NSD2: variants seen among roughly 807,000 people sequenced by gnomAD.
NSD2 encodes the protein histone-lysine N-methyltransferase NSD2.
In NSD2, 12 loss-of-function variants were observed where a neutral mutation model predicts 139.0. The ratio of observed to expected loss-of-function variants is 0.09; its 90% CI spans 0.06 to 0.14. The LOEUF is 0.14. Among genes scored for constraint, NSD2 ranks in the 10% least tolerant of loss-of-function variants. NSD2 has a pLI of 1.00. For synonymous variants in NSD2, 669 were observed against 648.7 expected, an observed-to-expected ratio of 1.03 and a Z score of -0.48; for missense variants, 1,155 against 1,745.0, an observed-to-expected ratio of 0.66 and a Z score of 6.02.
At position 1,959,751 on chromosome 4, in the gene NSD2, T is replaced by G; in HGVS notation, c.3255+11T>G. ...AGGGACATCAGAAAGGTATGTGTCG[T>G]TATCCCCTCCCCTGCTTTTGAGAAA... On this transcript the variant is annotated intron_variant, in intron 17 of 21. Transcript: ENST00000508803. The G allele has an allele frequency of 6.2e-7, 1 of 1,608,686 alleles. No homozygotes were observed. Among genetic ancestry groups the G allele is most frequent in the Non-Finnish European group, 8.5e-7 (1 of 1,175,336 alleles).
chr4:1,979,063 C>G lies in NSD2; in HGVS notation c.*154C>G. ...CTCGGGAGGGAGCGCCTCCCCACCA[C>G]TGAGCCATCCTCAGCAGCGTCCGCT... On this transcript the variant is annotated 3_prime_UTR_variant, in exon 22 of 22. Coordinates refer to ENST00000508803, the MANE Select transcript of NSD2 (RefSeq NM_001042424.3). 1.1e-6 allele frequency: 1 copy of G among 942,414 alleles called. No homozygotes were observed. Among genetic ancestry groups the G allele is most frequent in the Non-Finnish European group, 1.5e-6 (1 of 669,848 alleles). 58.4% of individuals were successfully genotyped at this position (942,414 alleles called of 1,614,324 possible). A position where few individuals can be genotyped will look rare whatever the true frequency, so the allele number is the denominator to read the frequency against.
At chr4:1,872,629 A>AGAGAGAGCGAGAGC (rs1553856462) in intron 1 of NSD2, among the ~76,000 whole-genome samples, 7 of 142,694 alleles carry the variant, frequency 4.9e-5, no homozygotes, top group African/African-American at 1.8e-4. Flanking sequence ...AGAGAGAGAG[A>AGAGAGAGCGAGAGC]GAGAGAGCGC....
intron 18 of NSD2, among the ~76,000 whole-genome samples, chr4:1,969,063 A>G (rs1251518376): frequency 1.3e-5 from 2 of 152,254 alleles, no homozygotes; most frequent in Non-Finnish European, 2.9e-5. Flanking sequence ...TCACCCGGAC[A>G]CAGGGGGTGC....
Position 1,980,307 on chromosome 4 carries a change from G to C in NSD2, c.*1398G>C. 4.3e-6 allele frequency: 1 copy of C among 233,218 alleles called. No individual in the cohort carries two copies. Among genetic ancestry groups the C allele is most frequent in the East Asian group, 6.0e-5 (1 of 16,584 alleles). The allele number at this position is 233,218 out of a possible 1,614,324, so 14.4% of individuals were successfully genotyped here. A position where few individuals can be genotyped will look rare whatever the true frequency, so the allele number is the denominator to read the frequency against. On this transcript the variant is annotated 3_prime_UTR_variant, in exon 22 of 22. Coordinates refer to ENST00000508803, the MANE Select transcript of NSD2 (RefSeq NM_001042424.3). Reference sequence around the variant, plus strand: ...GGGATCCTTGACCCTGGGAAGTCTGGAGCACCCTGAGAAGGGGGCACCATG... The same window carrying C: ...GGGATCCTTGACCCTGGGAAGTCTGCAGCACCCTGAGAAGGGGGCACCATG...
intron 2 of NSD2, among the ~76,000 whole-genome samples, chr4:1,902,148 G>A (rs1407631336): frequency 1.3e-5 from 2 of 151,916 alleles, no homozygotes; most frequent in Non-Finnish European, 2.9e-5. Context: ...AGCTTTGAGG[G>A]TTAAAAAAAC....
intron 10 of NSD2, among the ~76,000 whole-genome samples, chr4:1,951,492 A>G (rs1724249720): frequency 6.9e-6 from 1 of 144,726 alleles, no homozygotes; most frequent in Admixed American, 7.0e-5. Flanking sequence ...ACACACACAC[A>G]CACACACACA....
chr4:1,938,858 T>C (rs1228177701), intron 8 of NSD2, among the ~76,000 whole-genome samples: 1 of 152,262 alleles, frequency 6.6e-6, no homozygotes. Context: ...TACTTGATGG[T>C]GCCAGTTGCT....
chr4:1,941,001 G>C, intron 9 of NSD2: 1 of 1,058,348 alleles, frequency 9.4e-7, no homozygotes, highest in East Asian at 5.2e-5. Context: ...CTGCTTTACA[G>C]TTTGATACGT....
rs1726585926 is a variant in NSD2 at position 1,972,373 on chromosome 4, A to G, written c.3373-2490A>G. 6.6e-6 allele frequency among the ~76,000 whole-genome samples: 1 copy of G among 152,248 alleles called. No individual in the cohort carries two copies. Among genetic ancestry groups the G allele is most frequent in the Admixed American group, 6.5e-5 (1 of 15,286 alleles). The stretch of plus-strand genomic sequence containing the variant: ...CAAGCTCGTTGTAGGTGCGATAAAA[A>G]TAGCAAAAACGTTTAAATATACCTG... On this transcript the variant is annotated intron_variant, in intron 18 of 21. Coordinates refer to ENST00000508803, the MANE Select transcript of NSD2 (RefSeq NM_001042424.3). The surrounding 1 kb of genome is among the most constrained non-coding windows in gnomAD (Gnocchi z 4.0).
intron 1 of NSD2, among the ~76,000 whole-genome samples, chr4:1,890,138 C>T: frequency 6.6e-6 from 1 of 152,162 alleles, no homozygotes; most frequent in East Asian, 1.9e-4. Flanking sequence ...TATGTTGTAG[C>T]ATAAATCAGG....
At chr4:1,919,279 C>G (rs913732901) in intron 5 of NSD2, 2 of 152,000 alleles carry the variant, frequency 1.3e-5, no homozygotes, top group African/African-American at 4.8e-5. Flanking sequence ...TTAGCACTTT[C>G]TCCAGCAGTC....
intron 3 of NSD2, among the ~76,000 whole-genome samples, chr4:1,915,300 G>C (rs71606380): frequency 6.6e-6 from 1 of 151,796 alleles, no homozygotes; most frequent in East Asian, 1.9e-4. Context: ...ATATTTAGTA[G>C]AAATGGGATT....
At chr4:1,936,017 TTTA>T (rs776253635) in intron 7 of NSD2, among the ~76,000 whole-genome samples, 1 of 152,210 alleles carries the variant, frequency 6.6e-6, no homozygotes, top group Non-Finnish European at 1.5e-5. Context: ...GAACCTAGAT[TTTA>T]TTTAGTTTAT....
rs138992138 is a variant in NSD2 at position 1,904,849 on chromosome 4, G to A, written c.760+471G>A. Among the ~76,000 whole-genome samples, 178 of 152,298 alleles carry A rather than the reference G, an allele frequency of 1.2e-3. No homozygotes were observed. The East Asian group carries it at 0.03, about 26-fold the overall frequency. On this transcript the variant is annotated intron_variant, in intron 3 of 21. Coordinates refer to ENST00000508803, the MANE Select transcript of NSD2 (RefSeq NM_001042424.3). Reference sequence around the variant, plus strand: ...CTGATGTAACATATTAAGAATGTACGGCCGGGCACGGTGGCTCACGCCTGT... The same window carrying A: ...CTGATGTAACATATTAAGAATGTACAGCCGGGCACGGTGGCTCACGCCTGT...
intron 9 of NSD2, chr4:1,945,111 T>G: frequency 9.4e-7 from 1 of 1,066,458 alleles, no homozygotes; most frequent in Non-Finnish European, 1.1e-6. Context: ...TTAGAGGATC[T>G]CCGAGAGGTC....
chr4:1,874,750 A>G (rs1193209802), intron 1 of NSD2, among the ~76,000 whole-genome samples: 3 of 152,218 alleles, frequency 2.0e-5, no homozygotes. Flanking sequence ...CAATTTCTCT[A>G]TCCTTGGTGA....
chr4:1,917,707 G>T (rs1445052589), intron 4 of NSD2, among the ~76,000 whole-genome samples: 4 of 152,028 alleles, frequency 2.6e-5, no homozygotes, highest in Non-Finnish European at 5.9e-5. Flanking sequence ...CAGGTGCTGG[G>T]ATTACAGGTG....
rs769782258 is a variant in NSD2, at chr4:1,958,041, C to T, written c.2985+5C>T. On this transcript the variant is annotated splice_donor_5th_base_variant and intron_variant, in intron 16 of 21. Coordinates refer to ENST00000508803, the MANE Select transcript of NSD2 (RefSeq NM_001042424.3). This position sits in a 1 kb window ranked among gnomAD's most constrained non-coding sequence, Gnocchi z 4.6. Reference sequence around the variant, plus strand: ...CCACCATACAAGCACATCAAGGTGGCGTGTGGGAGCTGCGTGCACGCGTGT... The same window carrying T: ...CCACCATACAAGCACATCAAGGTGGTGTGTGGGAGCTGCGTGCACGCGTGT... The T allele has an allele frequency of 2.5e-5, 40 of 1,612,704 alleles. No homozygotes were observed. Among genetic ancestry groups the T allele is most frequent in the East Asian group, 8.9e-5 (4 of 44,852 alleles).
rs772385965 is a variant in NSD2 at position 1,978,595 on chromosome 4, A to G, written c.3827-43A>G. ...CAACCACGATAATGTTGAAGTCGTG[A>G]TTCCATCACTTCTGTGTGCTCACAT... is the stretch of plus-strand genomic sequence containing the variant. On this transcript the variant is annotated intron_variant, in intron 21 of 21. Coordinates refer to ENST00000508803, the MANE Select transcript of NSD2 (RefSeq NM_001042424.3). 6 of 1,561,394 alleles carry G rather than the reference A, an allele frequency of 3.8e-6. No homozygotes were observed. The East Asian group carries it at 6.8e-5, about 18-fold the overall frequency.
Sources: gnomAD v4.1 joint callset for allele counts (sites outside exome capture counted in the v4.1 genomes callset) on GRCh38, gnomAD v4.1.1 for gene constraint, Gnocchi (gnomAD v3.1) non-coding constraint, MANE v1.5 for transcripts, NCBI Gene and HGNC (gene_info 2026-07-23, HGNC 2026-07-21) for gene names.